ANK3: variants seen among roughly 807,000 people sequenced by gnomAD.
ANK3 encodes the protein ankyrin-3.
ANK3 carries 57 observed loss-of-function variants against 370.9 expected under a neutral mutation model. The ratio of observed to expected loss-of-function variants is 0.15; its 90% CI spans 0.12 to 0.19. The LOEUF (loss-of-function observed/expected upper bound fraction) is 0.19. Ranked by LOEUF, ANK3 falls within the 10% of genes least tolerant of loss-of-function variation. ANK3 has a pLI of 1.00. For missense variants in ANK3, 4,439 were observed against 5,302.1 expected (o/e 0.84, Z 5.06); for synonymous variants, 1,929 against 1,946.3 (o/e 0.99, Z 0.23).
chr10:60,082,106 C>G, intron 35 of ANK3, 44 bp downstream of exon 35: 1 of 1,504,796 alleles, frequency 6.6e-7, no homozygotes, highest in South Asian at 1.2e-5. Flanking sequence ...GATTCAATTT[C>G]TATTCTACTT....
intron 35 of ANK3, among the ~76,000 whole-genome samples, chr10:60,081,161 C>T (rs756179668): frequency 2.6e-5 from 4 of 152,162 alleles, no homozygotes; most frequent in Admixed American, 6.5e-5. Flanking sequence ...GATCCCGCCT[C>T]ACTGCAACCT....
chr10:60,086,405 A>G (rs2086688312), intron 30 of ANK3: 1 of 298,368 alleles, frequency 3.4e-6, no homozygotes, highest in Non-Finnish European at 6.1e-6. Context: ...ATTCAATGAT[A>G]CTTCTACTAA....
intron 8 of ANK3, among the ~76,000 whole-genome samples, chr10:60,233,020 G>C (rs897667996): frequency 3.3e-5 from 5 of 152,198 alleles, no homozygotes; most frequent in African/African-American, 1.2e-4. Flanking sequence ...AAAACCCTTC[G>C]ATAGATGGAT....
At chr10:60,058,867 GCCTCAGCCTC>G (rs2079743332) in intron 41 of ANK3, among the ~76,000 whole-genome samples, 1 of 152,160 alleles carries the variant, frequency 6.6e-6, no homozygotes, top group Non-Finnish European at 1.5e-5. Context: ...CAGTTCTCCT[GCCTCAGCCTC>G]CTGAGTAGCT....
chr10:60,457,183 A>G (rs1212160980), intron 2 of ANK3, among the ~76,000 whole-genome samples: 1 of 152,150 alleles, frequency 6.6e-6, no homozygotes, highest in Non-Finnish European at 1.5e-5. Flanking sequence ...CACCCTCTCC[A>G]TAGAAAGAAG....
At chr10:60,119,208 T>C (rs772537097) in intron 25 of ANK3, among the ~76,000 whole-genome samples, 9 of 152,222 alleles carry the variant, frequency 5.9e-5, no homozygotes, top group Non-Finnish European at 1.0e-4. Flanking sequence ...CAAAATACTC[T>C]TCCTATGGCG....
intron 1 of ANK3, among the ~76,000 whole-genome samples, chr10:60,620,112 A>G (rs2078315690): frequency 6.6e-6 from 1 of 152,216 alleles, no homozygotes; most frequent in Non-Finnish European, 1.5e-5. Flanking sequence ...TAATAACTAT[A>G]TACCATCTTA....
chr10:60,084,934 C>T (rs1165319954), intron 31 of ANK3, 104 bp from the exon 32 acceptor site: 1 of 887,688 alleles, frequency 1.1e-6, no homozygotes, highest in Non-Finnish European at 1.7e-6. Flanking sequence ...GGAACTAACC[C>T]AAAACGTTAT....
intron 23 of ANK3, among the ~76,000 whole-genome samples, chr10:60,163,290 C>T (rs1039111447): frequency 6.6e-6 from 1 of 152,152 alleles, no homozygotes; most frequent in African/African-American, 2.4e-5. Flanking sequence ...GAACAGGAGA[C>T]AGTAGAGCAG....
intron 18 of ANK3, among the ~76,000 whole-genome samples, chr10:60,174,280 G>A (rs1440922156): frequency 6.6e-6 from 1 of 152,200 alleles, no homozygotes; most frequent in Non-Finnish European, 1.5e-5. Context: ...TAAACACACT[G>A]TCAGTGCACC....
At chr10:60,567,782 A>G (rs965676718) in intron 2 of ANK3, among the ~76,000 whole-genome samples, 11 of 152,236 alleles carry the variant, frequency 7.2e-5, no homozygotes, top group African/African-American at 2.7e-4. Context: ...TCAAAATATC[A>G]ACATTAACAG....
At chr10:60,445,743 GC>G (rs1377109037) in intron 2 of ANK3, among the ~76,000 whole-genome samples, 1 of 152,136 alleles carries the variant, frequency 6.6e-6, no homozygotes, top group Non-Finnish European at 1.5e-5. Context: ...CAGTTCTTAA[GC>G]TTTTTGGCCA....
rs797045236 is a variant in ANK3 at position 60,074,760 on chromosome 10, T to A, written c.6121A>T (p.Ile2041Phe). 1.2e-6 allele frequency: 2 copies of A among 1,613,968 alleles called. No individual in the cohort carries two copies. The highest frequency in any genetic ancestry group is 3.3e-5 in the Admixed American group (2 of 59,996). The stretch of plus-strand genomic sequence containing the variant: ...AAGTTTGTCAGTGAACTACTCCCAA[T>A]ATCATTTGTTAGGTAATCAATAACT... ...TKVIDYLTND[I>F]GSSSLTNLKY... The change falls in exon 37 of 44, where the codon ATT becomes TTT. Residue 2041 changes from isoleucine (I) to phenylalanine (F), a missense_variant. Physicochemically the swap from Ile to Phe is conservative, Grantham distance 21 (BLOSUM62 0). Coordinates refer to ENST00000280772, the MANE Select transcript of ANK3 (RefSeq NM_020987.5).
At chr10:60,352,808 G>GT (rs1329347340) in intron 1 of ANK3, among the ~76,000 whole-genome samples, 1 of 152,142 alleles carries the variant, frequency 6.6e-6, no homozygotes, top group Non-Finnish European at 1.5e-5. Flanking sequence ...CTCAAGGATG[G>GT]TAAGTTCTAT....
chr10:60,304,369 G>T (rs1388849948), intron 1 of ANK3, among the ~76,000 whole-genome samples: 1 of 152,114 alleles, frequency 6.6e-6, no homozygotes, highest in Non-Finnish European at 1.5e-5. Flanking sequence ...TTGGCTGGGG[G>T]TGGTGGCTCA....
At chr10:60,077,515 G>C (rs1044967735) in intron 36 of ANK3, among the ~76,000 whole-genome samples, 1 of 152,146 alleles carries the variant, frequency 6.6e-6, no homozygotes, top group Non-Finnish European at 1.5e-5. Context: ...CTTTTTCCAT[G>C]AGATATGAAG....
intron 2 of ANK3, among the ~76,000 whole-genome samples, chr10:60,556,843 A>G (rs554367985): frequency 7.4e-4 from 112 of 152,306 alleles, no homozygotes; most frequent in African/African-American, 2.6e-3. Context: ...GTCACACAGC[A>G]GGAGTGAGTG....
chr10:60,317,025 C>T (rs2047592418), intron 1 of ANK3, among the ~76,000 whole-genome samples: 2 of 152,154 alleles, frequency 1.3e-5, no homozygotes, highest in African/African-American at 2.4e-5. Context: ...GGATTACAGG[C>T]GTGAGCCACC....
chr10:60,037,538 T>G (rs7100890), intron 43 of ANK3, among the ~76,000 whole-genome samples: 13 of 151,924 alleles, frequency 8.6e-5, no homozygotes, highest in Non-Finnish European at 1.3e-4. Context: ...TGAGAACATA[T>G]GGTATTTGGT....
Sources: gnomAD v4.1 joint callset for allele counts (sites outside exome capture counted in the v4.1 genomes callset) on GRCh38, gnomAD v4.1.1 for gene constraint, MANE v1.5 for transcripts, NCBI Gene and HGNC (gene_info 2026-07-23, HGNC 2026-07-21) for gene names.